PIEZO2: variants seen among roughly 807,000 people sequenced by gnomAD.
PIEZO2 encodes the protein piezo type mechanosensitive ion channel component 2, also known as piezo-type mechanosensitive ion channel component 2.
PIEZO2 carries 172 observed loss-of-function variants against 337.3 expected under a neutral mutation model. The ratio of observed to expected loss-of-function variants is 0.51; its 90% CI spans 0.45 to 0.58. The LOEUF (loss-of-function observed/expected upper bound fraction) is 0.58, where lower values mean the gene tolerates loss of function less well. PIEZO2 is among the 20% of genes least tolerant of loss of function. The pLI, the probability that PIEZO2 is intolerant of heterozygous loss-of-function variation, is 0.00. For missense variants in PIEZO2, 3,028 were observed against 3,391.3 expected, an observed-to-expected ratio of 0.89 and a Z score of 2.66; for synonymous variants, 1,251 against 1,228.5, an observed-to-expected ratio of 1.02 and a Z score of -0.38.
Position 11,110,311 on chromosome 18 carries a change from A to G in PIEZO2, c.64+38214T>C, listed in dbSNP as rs564605208. 3.3e-4 allele frequency among the ~76,000 whole-genome samples: 51 copies of G among 152,338 alleles called. No individual in the cohort carries two copies. Among genetic ancestry groups the G allele is most frequent in the Middle Eastern group, 3.4e-3 (1 of 294 alleles). On this transcript the variant is annotated intron_variant, in intron 1 of 55. Transcript: ENST00000674853. The surrounding 1 kb of genome is among the most constrained non-coding windows in gnomAD (Gnocchi z 4.2). ...AAACATACACAGAAGATGTCTTAAAAGGTAAATCTCAATTCTGTTCTTTCT... is the reference window on the plus strand; with the variant it reads ...AAACATACACAGAAGATGTCTTAAAGGGTAAATCTCAATTCTGTTCTTTCT...
intron 7 of PIEZO2, among the ~76,000 whole-genome samples, chr18:10,816,304 G>A (rs950384843): frequency 6.6e-6 from 1 of 152,116 alleles, no homozygotes; most frequent in East Asian, 1.9e-4. Context: ...TCTGTGTCTC[G>A]TGGCTTGAAA....
At position 10,750,004 on chromosome 18, in the gene PIEZO2, G is replaced by C; in HGVS notation, c.4264+87C>G. The C allele has an allele frequency of 1.0e-6, 1 of 977,314 alleles. No homozygotes were observed. Among genetic ancestry groups the C allele is most frequent in the Non-Finnish European group, 1.6e-6 (1 of 642,398 alleles). The allele number at this position is 977,314 out of a possible 1,614,324, so 60.5% of individuals were successfully genotyped here. A position where few individuals can be genotyped will look rare whatever the true frequency, so the allele number is the denominator to read the frequency against. On this transcript the variant is annotated intron_variant, in intron 29 of 55. Transcript: ENST00000674853. The surrounding 1 kb of genome is among the most constrained non-coding windows in gnomAD (Gnocchi z 4.1). ...ACTGACCCCACTTTTATATCTTTAT[G>C]TGCTTTGGCCCACTTTTAAAACTAG...
chr18:11,060,663 A>G (rs2037915118), intron 2 of PIEZO2, among the ~76,000 whole-genome samples: 1 of 152,152 alleles, frequency 6.6e-6, no homozygotes, highest in Admixed American at 6.5e-5. Flanking sequence ...CTAGAAGAAA[A>G]GGATAAATTC....
In PIEZO2 at chr18:11,143,923, G is replaced by T. The variant is rs887780307; in HGVS notation, c.64+4602C>A. Among the ~76,000 whole-genome samples, 2 of 152,320 alleles carry T rather than the reference G, an allele frequency of 1.3e-5. No individual in the cohort carries two copies. Among genetic ancestry groups the T allele is most frequent in the Middle Eastern group, 3.4e-3 (1 of 294 alleles). On this transcript the variant is annotated intron_variant, in intron 1 of 55. Coordinates refer to ENST00000674853, the MANE Select transcript of PIEZO2 (RefSeq NM_001378183.1). The surrounding 1 kb of genome is among the most constrained non-coding windows in gnomAD (Gnocchi z 4.9). ...TCACAACCATGCATGTAATTCTTGAGTGTTAAAAGCGAAACAAAACCATAA... is the reference window on the plus strand; with the variant it reads ...TCACAACCATGCATGTAATTCTTGATTGTTAAAAGCGAAACAAAACCATAA...
At position 11,143,002 on chromosome 18, in the gene PIEZO2, C is replaced by A. The variant is rs568343455; in HGVS notation, c.64+5523G>T. On this transcript the variant is annotated intron_variant, in intron 1 of 55. Coordinates refer to ENST00000674853, the MANE Select transcript of PIEZO2 (RefSeq NM_001378183.1). This position sits in a 1 kb window ranked among gnomAD's most constrained non-coding sequence, Gnocchi z 4.9. ...GCTGAGACAGGAGAATGGCATGAAC[C>A]CAGGAGGCGGAGCTTGCAGTGAGCC... 6.6e-6 allele frequency among the ~76,000 whole-genome samples: 1 copy of A among 152,200 alleles called. No homozygotes were observed. The highest frequency in any genetic ancestry group is 1.5e-5 in the Non-Finnish European group (1 of 67,998).
chr18:10,867,766 T>C (rs2042043532), intron 5 of PIEZO2, among the ~76,000 whole-genome samples: 1 of 152,256 alleles, frequency 6.6e-6, no homozygotes, highest in Non-Finnish European at 1.5e-5. Flanking sequence ...ATTATGTAAA[T>C]AACTCTTTTC....
rs146780449 is a variant in PIEZO2, at chr18:10,870,750, T to G, written c.492+503A>C. Among the ~76,000 whole-genome samples, 43 of 152,306 alleles carry G rather than the reference T, an allele frequency of 2.8e-4. No homozygotes were observed. The highest frequency in any genetic ancestry group is 8.5e-4 in the Admixed American group (13 of 15,292). The stretch of plus-strand genomic sequence containing the variant: ...ACACTTTTCCAAATATGTATGTTTT[T>G]CCCCCTTGGAGTGCTTTAAAACAAC... On this transcript the variant is annotated intron_variant, in intron 5 of 55. Coordinates refer to ENST00000674853, the MANE Select transcript of PIEZO2 (RefSeq NM_001378183.1). This position sits in a 1 kb window ranked among gnomAD's most constrained non-coding sequence, Gnocchi z 5.3.
chr18:10,792,457 C>T (rs1458517944), intron 13 of PIEZO2, among the ~76,000 whole-genome samples: 3 of 152,190 alleles, frequency 2.0e-5, no homozygotes, highest in Non-Finnish European at 4.4e-5. Context: ...CAGCCCTAGC[C>T]AACCACGAAT....
chr18:10,873,284 C>T (rs893008460), intron 4 of PIEZO2, among the ~76,000 whole-genome samples: 1 of 152,134 alleles, frequency 6.6e-6, no homozygotes, highest in African/African-American at 2.4e-5. Flanking sequence ...ATCCAACCAA[C>T]CATCATATTG....
intron 4 of PIEZO2, among the ~76,000 whole-genome samples, chr18:10,887,685 T>C (rs553782298): frequency 2.4e-4 from 37 of 152,354 alleles, no homozygotes; most frequent in East Asian, 3.9e-4. Flanking sequence ...GAAGCATGTG[T>C]TGCATTCAGT....
At chr18:10,867,152 T>C (rs1353657056) in intron 5 of PIEZO2, among the ~76,000 whole-genome samples, 1 of 152,232 alleles carries the variant, frequency 6.6e-6, no homozygotes, top group Non-Finnish European at 1.5e-5. Context: ...ATGTTTCAAA[T>C]GATCATGTCT....
chr18:11,145,793 ATTTT>A (rs2040794522), intron 1 of PIEZO2, among the ~76,000 whole-genome samples: 2 of 152,112 alleles, frequency 1.3e-5, no homozygotes, highest in Non-Finnish European at 2.9e-5. Context: ...GATGTCAATA[ATTTT>A]CCAGAATGCA....
intron 7 of PIEZO2, among the ~76,000 whole-genome samples, chr18:10,839,291 A>C (rs1399423650): frequency 2.6e-5 from 4 of 152,228 alleles, no homozygotes; most frequent in African/African-American, 7.2e-5. Flanking sequence ...AGCATTAGTC[A>C]TGGGATAGTT....
At position 10,856,255 on chromosome 18, in the gene PIEZO2, C is replaced by A. The variant is rs1598589473; in HGVS notation, c.704-689G>T. ...CATAAATAAAGCCATCACCTTAGGGCAAAAGGAGTCTGTTTTATTGGGCAT... is the reference window on the plus strand; with the variant it reads ...CATAAATAAAGCCATCACCTTAGGGAAAAAGGAGTCTGTTTTATTGGGCAT... On this transcript the variant is annotated intron_variant, in intron 6 of 55. Coordinates refer to ENST00000674853, the MANE Select transcript of PIEZO2 (RefSeq NM_001378183.1). The surrounding 1 kb of genome is among the most constrained non-coding windows in gnomAD (Gnocchi z 4.7). Among the ~76,000 whole-genome samples, 1 of 152,158 alleles carries A rather than the reference C, an allele frequency of 6.6e-6. No homozygotes were observed. The highest frequency in any genetic ancestry group is 6.5e-5 in the Admixed American group (1 of 15,296).
chr18:11,042,931 G>A lies in PIEZO2; in HGVS notation c.160+23196C>T, dbSNP rs1568322690. 2.6e-5 allele frequency among the ~76,000 whole-genome samples: 4 copies of A among 152,232 alleles called. No individual in the cohort carries two copies. In the South Asian group the frequency reaches 8.3e-4, roughly 32 times the overall value. On this transcript the variant is annotated intron_variant, in intron 2 of 55. Coordinates refer to ENST00000674853, the MANE Select transcript of PIEZO2 (RefSeq NM_001378183.1). Reference sequence around the variant, plus strand: ...ATACTTCTTCAAAGAAGAATCTGAGGATAATTATTGGTTTTATCAGTAATT... The same window carrying A: ...ATACTTCTTCAAAGAAGAATCTGAGAATAATTATTGGTTTTATCAGTAATT...
intron 21 of PIEZO2, among the ~76,000 whole-genome samples, chr18:10,768,855 C>T (rs975494158): frequency 6.6e-6 from 1 of 152,132 alleles, no homozygotes; most frequent in Admixed American, 6.5e-5. Context: ...TCCTTTAACC[C>T]TTTTCTGATG....
intron 1 of PIEZO2, among the ~76,000 whole-genome samples, chr18:11,089,844 G>C (rs1250090871): frequency 1.3e-5 from 2 of 152,214 alleles, no homozygotes; most frequent in Non-Finnish European, 2.9e-5. Flanking sequence ...AGCATTTCCT[G>C]TCTTAGCCCC....
chr18:10,762,863 G>C lies in PIEZO2; in HGVS notation c.3123+59C>G, dbSNP rs530683955. 1.7e-4 allele frequency: 256 copies of C among 1,496,188 alleles called. 4 individuals carry two copies. In the South Asian group the frequency reaches 2.4e-3, roughly 14 times the overall value. 92.7% of individuals were successfully genotyped at this position (1,496,188 alleles called of 1,614,324 possible). A position where few individuals can be genotyped will look rare whatever the true frequency, so the allele number is the denominator to read the frequency against. ...GTGCTTGGGGATGGGGGTTCCCCAA[G>C]TATCTGCCTTGCTTTGCTAAAGGGC... is the stretch of plus-strand genomic sequence containing the variant. On this transcript the variant is annotated intron_variant, in intron 22 of 55. Transcript: ENST00000674853.
At chr18:10,822,704 A>G (rs1444025447) in intron 7 of PIEZO2, among the ~76,000 whole-genome samples, 1 of 152,170 alleles carries the variant, frequency 6.6e-6, no homozygotes, top group African/African-American at 2.4e-5. Flanking sequence ...ATTTCCTGTT[A>G]GATGTTATCA....
Sources: gnomAD v4.1 joint callset for allele counts (sites outside exome capture counted in the v4.1 genomes callset) on GRCh38, gnomAD v4.1.1 for gene constraint, Gnocchi (gnomAD v3.1) non-coding constraint, MANE v1.5 for transcripts, NCBI Gene and HGNC (gene_info 2026-07-23, HGNC 2026-07-21) for gene names.